The following XPO4 variants were observed in gnomAD, a reference collection of about 807,000 sequenced individuals.
The protein encoded by XPO4 is exportin-4.
XPO4 carries 39 observed loss-of-function variants against 143.0 expected under a neutral mutation model. The observed-to-expected ratio is 0.27, with a 90% CI of 0.21 to 0.36. XPO4 has a LOEUF of 0.36. Among genes scored for constraint, XPO4 ranks in the 10% least tolerant of loss-of-function variants. XPO4 has a pLI of 1.00. For missense variants in XPO4, 907 were observed against 1,348.0 expected (o/e 0.67, Z 5.12); for synonymous variants, 439 against 474.0 (o/e 0.93, Z 0.96).
chr13:20,898,533 C>A (rs941406033), intron 1 of XPO4, among the ~76,000 whole-genome samples: 1 of 152,000 alleles, frequency 6.6e-6, no homozygotes, highest in Non-Finnish European at 1.5e-5. Context: ...CCATTGCACT[C>A]CAGCCTGGGC....
chr13:20,850,768 AAC>A, intron 4 of XPO4: 3 of 983,778 alleles, frequency 3.0e-6, no homozygotes, highest in Non-Finnish European at 3.6e-6. Context: ...CTGTTTCTAA[AAC>A]AACAAAACAA....
intron 9 of XPO4, among the ~76,000 whole-genome samples, chr13:20,815,242 G>A (rs1301526275): frequency 2.0e-5 from 3 of 152,122 alleles, no homozygotes; most frequent in Non-Finnish European, 4.4e-5. Flanking sequence ...CTTAATGATG[G>A]ACATCACACA....
At chr13:20,889,714 A>T (rs1221193214) in intron 1 of XPO4, among the ~76,000 whole-genome samples, 4 of 152,218 alleles carry the variant, frequency 2.6e-5, no homozygotes, top group Non-Finnish European at 5.9e-5. Context: ...ATCATTACCC[A>T]ATATTCTGTG....
chr13:20,852,774 GCT>G (rs1321780355), intron 4 of XPO4: 1 of 984,572 alleles, frequency 1.0e-6, no homozygotes, highest in Admixed American at 6.2e-5. Context: ...AATGAAAATT[GCT>G]TGACTGAGAG....
intron 1 of XPO4, among the ~76,000 whole-genome samples, chr13:20,873,156 A>G (rs1052640906): frequency 6.6e-6 from 1 of 151,242 alleles, no homozygotes; most frequent in Non-Finnish European, 1.5e-5. Context: ...CCAGAGTTGG[A>G]GCTCACAAAT....
chr13:20,857,455 C>T (rs2060154702), intron 3 of XPO4, among the ~76,000 whole-genome samples: 1 of 152,110 alleles, frequency 6.6e-6, no homozygotes, highest in Non-Finnish European at 1.5e-5. Context: ...AGGCCGGGCG[C>T]AGTGGCTCAC....
intron 2 of XPO4, chr13:20,868,329 T>G: frequency 3.6e-6 from 1 of 275,786 alleles, no homozygotes; most frequent in Non-Finnish European, 6.4e-6. Context: ...TTCTCTTTAC[T>G]ATTAACAGCC....
chr13:20,868,730 A>T (rs201113831), intron 1 of XPO4, 29 bp from the exon 2 acceptor site: 1 of 1,585,374 alleles, frequency 6.3e-7, no homozygotes, highest in South Asian at 1.1e-5. Flanking sequence ...GAACAGATAC[A>T]CTTATCTAAT....
chr13:20,828,747 C>CA (rs1189556790), intron 6 of XPO4, among the ~76,000 whole-genome samples: 1 of 151,786 alleles, frequency 6.6e-6, no homozygotes, highest in Non-Finnish European at 1.5e-5. Context: ...AGGTGAAGGC[C>CA]AAAAAAGCCA....
intron 9 of XPO4, among the ~76,000 whole-genome samples, chr13:20,810,735 C>A (rs2059571494): frequency 6.6e-6 from 1 of 152,190 alleles, no homozygotes; most frequent in African/African-American, 2.4e-5. Flanking sequence ...CCTCTCTCCA[C>A]AAGCATGGTA....
At position 20,862,749 on chromosome 13, in the gene XPO4, T is replaced by C; in HGVS notation, c.285A>G (p.Thr95=). The C allele has an allele frequency of 6.2e-6, 10 of 1,614,194 alleles. No homozygotes were observed. Among genetic ancestry groups the C allele is most frequent in the South Asian group, 1.1e-5 (1 of 91,078 alleles). The change falls in exon 3 of 23, where the codon ACA becomes ACG. Residue 95 remains threonine (T), a synonymous_variant. Coordinates refer to ENST00000255305, the MANE Select transcript of XPO4 (RefSeq NM_022459.5). ...LEKGSIESLR[T]FLLTYVLQRP... is the part of the protein sequence containing the mutation. The stretch of plus-strand genomic sequence containing the variant: ...TTTGTAAGACATAGGTTAAAAGGAA[T>C]GTTCGCAGAGACTCGATGCTACCTT...
rs1595156365 is a variant in XPO4, at chr13:20,878,998, T to G, written c.70-10297A>C. On this transcript the variant is annotated intron_variant, in intron 1 of 22. Transcript: ENST00000255305. The stretch of plus-strand genomic sequence containing the variant: ...ATGGTGGACAAAATTTCTTAAAAAT[T>G]TTAAGTGCATCACTGAGCTTACAAG... The G allele has an allele frequency of 9.9e-6, 7 of 704,264 alleles. No homozygotes were observed. In the South Asian group the frequency reaches 4.5e-4, roughly 45 times the overall value. 43.6% of individuals were successfully genotyped at this position (704,264 alleles called of 1,614,324 possible).
chr13:20,787,098 T>C (rs1218413572), intron 21 of XPO4, 41 bp from the exon 22 acceptor site: 4 of 1,497,488 alleles, frequency 2.7e-6, no homozygotes, highest in South Asian at 1.2e-5. Flanking sequence ...CATAGGATGA[T>C]CATATATCCT....
intron 1 of XPO4, among the ~76,000 whole-genome samples, chr13:20,880,610 T>C (rs1669944059): frequency 6.6e-6 from 1 of 152,134 alleles, no homozygotes; most frequent in Non-Finnish European, 1.5e-5. Flanking sequence ...AAAGAATGAA[T>C]GGATAAACAA....
chr13:20,855,822 C>T (rs564318901), intron 3 of XPO4, 57 bp from the exon 4 acceptor site: 3 of 1,494,648 alleles, frequency 2.0e-6, no homozygotes, highest in African/African-American at 2.8e-5. Context: ...CAAGAATACT[C>T]CCAAACTTCT....
intron 3 of XPO4, among the ~76,000 whole-genome samples, chr13:20,858,922 G>GTATATATATATATA (rs59921874): frequency 1.3e-5 from 2 of 148,724 alleles, no homozygotes; most frequent in African/African-American, 4.9e-5. Flanking sequence ...ATGTGTGTGT[G>GTATATATATATATA]TATATATATA....
chr13:20,836,612 G>A (rs373138212), intron 6 of XPO4, among the ~76,000 whole-genome samples: 2 of 152,130 alleles, frequency 1.3e-5, no homozygotes, highest in African/African-American at 4.8e-5. Context: ...TGGTGCAGTT[G>A]ACCTGTGTGA....
At chr13:20,840,691 G>T (rs566226806) in intron 6 of XPO4, among the ~76,000 whole-genome samples, 5 of 152,154 alleles carry the variant, frequency 3.3e-5, no homozygotes, top group Non-Finnish European at 7.4e-5. Context: ...CCTTGAAATT[G>T]ATTTCCCTAA....
intron 3 of XPO4, among the ~76,000 whole-genome samples, chr13:20,859,486 G>C (rs1389475896): frequency 1.3e-5 from 2 of 152,174 alleles, no homozygotes; most frequent in East Asian, 3.9e-4. Context: ...TGTAGTCCCA[G>C]CTACTCGGGA....
Sources: gnomAD v4.1 joint callset for allele counts (sites outside exome capture counted in the v4.1 genomes callset) on GRCh38, gnomAD v4.1.1 for gene constraint, MANE v1.5 for transcripts, NCBI Gene and HGNC (gene_info 2026-07-23, HGNC 2026-07-21) for gene names.